Variants in PCDHA12 observed in about 807,000 individuals in gnomAD.
PCDHA12 encodes protocadherin alpha-12.
In PCDHA12, 44 loss-of-function variants were observed where a neutral mutation model predicts 60.0. That is an observed-to-expected ratio of 0.73 (90% CI 0.58 to 0.94). The LOEUF (loss-of-function observed/expected upper bound fraction) is 0.94. Ranked by LOEUF, PCDHA12 falls within the 40% of genes least tolerant of loss-of-function variation. The pLI is 0.00. For synonymous variants in PCDHA12, 569 were observed against 553.0 expected, an observed-to-expected ratio of 1.03 and a Z score of -0.40; for missense variants, 1,276 against 1,239.7, an observed-to-expected ratio of 1.03 and a Z score of -0.44.
chr5:140,901,953 G>T (rs545807968), intron 1 of PCDHA12, among the ~76,000 whole-genome samples: 1 of 151,712 alleles, frequency 6.6e-6, no homozygotes, highest in African/African-American at 2.4e-5. Flanking sequence ...AGTTTTATTC[G>T]TGGCTATCGT....
chr5:140,992,400 T>C (rs1019164556), intron 3 of PCDHA12, among the ~76,000 whole-genome samples: 1 of 152,124 alleles, frequency 6.6e-6, no homozygotes, highest in Admixed American at 6.5e-5. Context: ...CTTAGAGATA[T>C]TGTTCTGCCC....
At position 140,892,846 on chromosome 5, in the gene PCDHA12, A is replaced by G. The variant is rs1301960107; in HGVS notation, c.2367+15007A>G. Among the ~76,000 whole-genome samples, 3 of 152,112 alleles carry G rather than the reference A, an allele frequency of 2.0e-5. No homozygotes were observed. In the East Asian group the frequency reaches 5.8e-4, roughly 29 times the overall value. On this transcript the variant is annotated intron_variant, in intron 1 of 3. Transcript: ENST00000398631. ...TGCTACAGTGCTGCAAAACACCACA[A>G]CCCATTCCTCCTGTGTAGCTATAAT...
intron 1 of PCDHA12, chr5:140,927,924 T>C: frequency 1.2e-6 from 2 of 1,614,204 alleles, no homozygotes; most frequent in Non-Finnish European, 1.7e-6. Context: ...ACTTCCTGAC[T>C]CTTTCGAACC....
At chr5:140,941,313 C>T (rs1585057947) in intron 1 of PCDHA12, among the ~76,000 whole-genome samples, 2 of 104,888 alleles carry the variant, frequency 1.9e-5, no homozygotes, top group Non-Finnish European at 4.0e-5. Context: ...TCTTTTTCTT[C>T]TTTCTCTTTT....
chr5:140,882,608 C>T (rs748674238), intron 1 of PCDHA12: 20 of 1,614,132 alleles, frequency 1.2e-5, no homozygotes, highest in Non-Finnish European at 1.7e-5. Flanking sequence ...GGACAGGCCT[C>T]TGCAGGTTTT....
chr5:140,883,290 T>C, intron 1 of PCDHA12: 1 of 1,614,060 alleles, frequency 6.2e-7, no homozygotes, highest in South Asian at 1.1e-5. Context: ...GTGGAAGTAC[T>C]AGATGTAAAT....
Position 140,877,546 on chromosome 5 carries a change from G to T in PCDHA12, c.2074G>T (p.Ala692Ser). 2.5e-6 allele frequency: 4 copies of T among 1,613,794 alleles called. No individual in the cohort carries two copies. Among genetic ancestry groups the T allele is most frequent in the Non-Finnish European group, 3.4e-6 (4 of 1,179,912 alleles). The stretch of plus-strand genomic sequence containing the variant: ...AGTGGGCGCTGTGGATCCCGAAGCG[G>T]CTCTGGTGGATATTAACGTGTACCT... ...ASVGAVDPEA[A>S]LVDINVYLII... The change falls in exon 1 of 4, where the codon GCT becomes TCT. Residue 692 changes from alanine to serine, a missense_variant. Physicochemically the swap from Ala to Ser is moderately conservative, Grantham distance 99 (BLOSUM62 1). Transcript: ENST00000398631.
chr5:140,941,191 T>TTTTTTTCTTTC (rs1554213809), intron 1 of PCDHA12, among the ~76,000 whole-genome samples: 6 of 93,206 alleles, frequency 6.4e-5, no homozygotes, highest in Admixed American at 2.5e-4. Context: ...GCTTCTTTTT[T>TTTTTTTCTTTC]TTTCTTTCTT....
intron 1 of PCDHA12, among the ~76,000 whole-genome samples, chr5:140,949,990 C>T (rs2094438709): frequency 6.6e-6 from 1 of 151,832 alleles, no homozygotes; most frequent in Non-Finnish European, 1.5e-5. Context: ...TAACTTTTCT[C>T]AGTCCACTTA....
chr5:140,943,696 A>G (rs2093549628), intron 1 of PCDHA12, among the ~76,000 whole-genome samples: 1 of 152,256 alleles, frequency 6.6e-6, no homozygotes, highest in South Asian at 2.1e-4. Context: ...AGGTCAAAAT[A>G]TTGTGGAACA....
chr5:140,885,920 C>T (rs1554182299), intron 1 of PCDHA12, among the ~76,000 whole-genome samples: 1 of 151,998 alleles, frequency 6.6e-6, no homozygotes, highest in East Asian at 1.9e-4. Context: ...TAGATATTAA[C>T]TGTTTATCTA....
At chr5:140,877,920 C>A in intron 1 of PCDHA12, 81 bp downstream of exon 1, 1 of 1,422,738 alleles carries the variant, frequency 7.0e-7, no homozygotes, top group Admixed American at 2.9e-5. Flanking sequence ...TCTCATTTTT[C>A]TTTATGATTC....
chr5:140,994,142 G>C (rs550428204), intron 3 of PCDHA12, among the ~76,000 whole-genome samples: 8 of 152,180 alleles, frequency 5.3e-5, no homozygotes, highest in Admixed American at 4.6e-4. Context: ...AATGCCCTAC[G>C]TAGGTAGGGT....
chr5:140,917,485 C>T (rs191372458), intron 1 of PCDHA12, among the ~76,000 whole-genome samples: 1 of 152,326 alleles, frequency 6.6e-6, no homozygotes, highest in Admixed American at 6.5e-5. Flanking sequence ...TTGCCAGGGC[C>T]TATGCCCAGA....
intron 1 of PCDHA12, among the ~76,000 whole-genome samples, chr5:140,897,257 T>C (rs1554187284): frequency 6.6e-6 from 1 of 151,916 alleles, no homozygotes; most frequent in Non-Finnish European, 1.5e-5. Context: ...TATGTATACA[T>C]GTGCCATGCT....
chr5:140,970,927 G>A (rs1481513155), intron 1 of PCDHA12, among the ~76,000 whole-genome samples: 2 of 152,150 alleles, frequency 1.3e-5, no homozygotes, highest in African/African-American at 4.8e-5. Flanking sequence ...GAAGTGCCTG[G>A]TGTTAGTCAA....
chr5:140,987,207 C>A (rs1475441121), intron 3 of PCDHA12, among the ~76,000 whole-genome samples: 1 of 148,672 alleles, frequency 6.7e-6, no homozygotes, highest in African/African-American at 2.5e-5. Context: ...GAGTGAGACT[C>A]CATCTCAAAA....
chr5:140,987,811 CTT>C (rs1444999429), intron 3 of PCDHA12, among the ~76,000 whole-genome samples: 7 of 152,218 alleles, frequency 4.6e-5, no homozygotes, highest in African/African-American at 1.7e-4. Flanking sequence ...GTGCCTGTCT[CTT>C]TGTTTCCTTA....
intron 1 of PCDHA12, chr5:140,883,984 C>G: frequency 6.2e-7 from 1 of 1,612,820 alleles, no homozygotes; most frequent in East Asian, 2.2e-5. Flanking sequence ...GGGCTGGCAG[C>G]GCGGGAGGCA....
Sources: gnomAD v4.1 joint callset for allele counts (sites outside exome capture counted in the v4.1 genomes callset) on GRCh38, gnomAD v4.1.1 for gene constraint, MANE v1.5 for transcripts, NCBI Gene and HGNC (gene_info 2026-07-23, HGNC 2026-07-21) for gene names.